Variants in VPS13D observed in about 807,000 individuals in gnomAD.
VPS13D encodes the protein vacuolar protein sorting 13 homolog D.
VPS13D carries 187 observed loss-of-function variants against 461.9 expected under a neutral mutation model. The observed-to-expected ratio is 0.40, with a 90% CI of 0.36 to 0.46. The LOEUF (loss-of-function observed/expected upper bound fraction) is 0.46, where lower values mean the gene tolerates loss of function less well. Ranked by LOEUF, VPS13D falls within the 20% of genes least tolerant of loss-of-function variation. VPS13D has a pLI of 0.60. For missense variants in VPS13D, 4,711 were observed against 5,364.9 expected (o/e 0.88, Z 3.81); for synonymous variants, 1,951 against 1,986.3 (o/e 0.98, Z 0.47).
At chr1:12,246,544 G>C (rs917765438) in intron 5 of VPS13D, among the ~76,000 whole-genome samples, 39 of 152,216 alleles carry the variant, frequency 2.6e-4, no homozygotes, top group African/African-American at 9.4e-4. Context: ...AAGCCTTTCA[G>C]ATAAGGGATA....
In VPS13D at chr1:12,293,715, T is replaced by C. The variant is rs1194998183; in HGVS notation, c.6033+11T>C. On this transcript the variant is annotated intron_variant, in intron 24 of 69. Transcript: ENST00000620676. ...ATTGAGGGGCAGACGGTAGGTAGCC[T>C]GGGCCCTCCAAGCTGCTTTTCCAGT... 6.2e-7 allele frequency: 1 copy of C among 1,610,622 alleles called. No individual in the cohort carries two copies. Among genetic ancestry groups the C allele is most frequent in the Admixed American group, 1.7e-5 (1 of 59,404 alleles).
At chr1:12,386,054 C>G in intron 59 of VPS13D, 131 bp from the exon 60 acceptor site, 2 of 1,046,316 alleles carry the variant, frequency 1.9e-6, no homozygotes, top group Non-Finnish European at 2.7e-6. Flanking sequence ...AATAGGACTC[C>G]CCTAAGTGGT....
intron 36 of VPS13D, among the ~76,000 whole-genome samples, chr1:12,329,212 A>AT (rs2101549071): frequency 6.6e-6 from 1 of 151,384 alleles, no homozygotes; most frequent in Non-Finnish European, 1.5e-5. Flanking sequence ...TCTTTTTTTT[A>AT]TTTTTTATCT....
intron 46 of VPS13D, among the ~76,000 whole-genome samples, chr1:12,350,936 A>T (rs558124253): frequency 1.3e-5 from 2 of 152,352 alleles, no homozygotes; most frequent in East Asian, 3.9e-4. Context: ...TACATTCCAG[A>T]TGTAAATGAC....
At chr1:12,453,627 C>A (rs1645291373) in intron 65 of VPS13D, among the ~76,000 whole-genome samples, 1 of 152,146 alleles carries the variant, frequency 6.6e-6, no homozygotes, top group East Asian at 1.9e-4. Flanking sequence ...TTGATTCTTT[C>A]CAAAACAAAG....
intron 65 of VPS13D, among the ~76,000 whole-genome samples, chr1:12,435,911 G>A (rs1438785222): frequency 2.6e-5 from 4 of 152,124 alleles, no homozygotes; most frequent in African/African-American, 9.7e-5. Context: ...CCAGGAAATT[G>A]TTCTAACCCT....
Position 12,245,174 on chromosome 1 carries a change from T to G in VPS13D, c.447+557T>G, listed in dbSNP as rs1640507463. Among the ~76,000 whole-genome samples, 3 of 152,194 alleles carry G rather than the reference T, an allele frequency of 2.0e-5. No homozygotes were observed. The South Asian group carries it at 6.2e-4, about 31-fold the overall frequency. ...GTTGACCTTGCCCATGTTTTCTACT[T>G]CAATTATACTTTTGTTTCATCCTCA... On this transcript the variant is annotated intron_variant, in intron 5 of 69. Coordinates refer to ENST00000620676, the MANE Select transcript of VPS13D (RefSeq NM_015378.4).
chr1:12,399,453 C>T (rs1416481910), intron 60 of VPS13D, among the ~76,000 whole-genome samples: 1 of 152,062 alleles, frequency 6.6e-6, no homozygotes, highest in Admixed American at 6.5e-5. Context: ...CCGCAACCTC[C>T]CAAAGTGCTG....
chr1:12,421,834 T>A (rs545299662), intron 65 of VPS13D, among the ~76,000 whole-genome samples: 2 of 152,252 alleles, frequency 1.3e-5, no homozygotes, highest in East Asian at 3.9e-4. Context: ...TCCATCCCCC[T>A]TTTTTTGAGA....
At chr1:12,397,461 A>G (rs1180800007) in intron 60 of VPS13D, among the ~76,000 whole-genome samples, 1 of 152,226 alleles carries the variant, frequency 6.6e-6, no homozygotes, top group Admixed American at 6.5e-5. Context: ...TGTTTAGTGA[A>G]AGAACAAAGG....
intron 38 of VPS13D, among the ~76,000 whole-genome samples, chr1:12,335,157 C>G (rs761077517): frequency 2.6e-5 from 4 of 152,166 alleles, no homozygotes; most frequent in Non-Finnish European, 5.9e-5. Context: ...ACCTCCACCT[C>G]CTAGGTTCAA....
Position 12,266,939 on chromosome 1 carries a change from G to A in VPS13D, c.1653G>A (p.Arg551=), listed in dbSNP as rs1351239365. 1.9e-6 allele frequency: 3 copies of A among 1,610,368 alleles called. No homozygotes were observed. Among genetic ancestry groups the A allele is most frequent in the East Asian group, 2.2e-5 (1 of 44,790 alleles). The stretch of plus-strand genomic sequence containing the variant: ...GAAATTCCTCGTTGCTTTCAGTCCG[G>A]TTGGGTGGACTGTTTCTTCGAGACC... ...PRRNSSLLSV[R]LGGLFLRDLA... is the part of the protein sequence containing the mutation. Residue 551 remains arginine, a synonymous_variant, in exon 14 of 70, where the codon CGG becomes CGA. Transcript: ENST00000620676.
chr1:12,335,996 T>C, intron 39 of VPS13D, 169 bp downstream of exon 39: 1 of 862,370 alleles, frequency 1.2e-6, no homozygotes, highest in Non-Finnish European at 1.7e-6. Flanking sequence ...TTTTCTGGCA[T>C]GAACTACTGA....
intron 54 of VPS13D, among the ~76,000 whole-genome samples, chr1:12,373,025 G>A (rs141650123): frequency 0.019 from 2,840 of 149,282 alleles, 104 homozygotes; most frequent in Admixed American, 0.098. Context: ...AAGACTTGGG[G>A]ATGCAGTGAT....
intron 66 of VPS13D, among the ~76,000 whole-genome samples, chr1:12,457,474 T>C (rs1438945054): frequency 6.6e-6 from 1 of 152,196 alleles, no homozygotes; most frequent in East Asian, 1.9e-4. Context: ...GAAGGACCAC[T>C]TTGCATTCAC....
At chr1:12,384,628 A>G (rs1207155768) in intron 58 of VPS13D, among the ~76,000 whole-genome samples, 2 of 152,052 alleles carry the variant, frequency 1.3e-5, no homozygotes, top group East Asian at 1.9e-4. Flanking sequence ...TTATTTATTT[A>G]TTTATTTATT....
chr1:12,314,130 A>G lies in VPS13D; in HGVS notation c.6951A>G (p.Lys2317=). The change falls in exon 30 of 70, where the codon AAA becomes AAG. Residue 2317 remains lysine, a synonymous_variant. Transcript: ENST00000620676. ...TCTCTTTTAGATTTGACTTCAAGAA[A>G]TGCAAACTGCTCTATGAAAGTTTTT... is the stretch of plus-strand genomic sequence containing the variant. ...AGSLARFDFK[K]CKLLYESFSN... 6.2e-7 allele frequency: 1 copy of G among 1,614,080 alleles called. No homozygotes were observed. The highest frequency in any genetic ancestry group is 8.5e-7 in the Non-Finnish European group (1 of 1,179,984).
chr1:12,260,629 C>T, intron 10 of VPS13D, 64 bp from the exon 11 acceptor site: 1 of 1,370,946 alleles, frequency 7.3e-7, no homozygotes, highest in Non-Finnish European at 1.0e-6. Context: ...GTGAGGGTGT[C>T]CAGTGTCTCT....
intron 5 of VPS13D, among the ~76,000 whole-genome samples, chr1:12,248,824 T>G (rs1264757726): frequency 6.6e-6 from 1 of 152,112 alleles, no homozygotes; most frequent in African/African-American, 2.4e-5. Context: ...AACAATTGTC[T>G]GTATACAATG....
Sources: gnomAD v4.1 joint callset for allele counts (sites outside exome capture counted in the v4.1 genomes callset) on GRCh38, gnomAD v4.1.1 for gene constraint, MANE v1.5 for transcripts, NCBI Gene and HGNC (gene_info 2026-07-23, HGNC 2026-07-21) for gene names.